Variants in RAB3GAP2 observed in about 807,000 individuals in gnomAD.
RAB3GAP2 encodes the protein RAB3 GTPase activating non-catalytic protein subunit 2, also known as rab3 GTPase-activating protein non-catalytic subunit.
A neutral mutation model predicts 185.3 loss-of-function variants in RAB3GAP2; 87 were observed. The ratio of observed to expected loss-of-function variants is 0.47; its 90% confidence interval spans 0.39 to 0.56. The LOEUF is 0.56. Among genes scored for constraint, RAB3GAP2 ranks in the 20% least tolerant of loss-of-function variants. RAB3GAP2 has a pLI of 0.00. For synonymous variants in RAB3GAP2, 554 were observed against 576.1 expected (o/e 0.96, Z 0.55); for missense variants, 1,492 against 1,638.2 (o/e 0.91, Z 1.54).
At chr1:220,223,293 C>CTTTTTT (rs1436330377) in intron 2 of RAB3GAP2, among the ~76,000 whole-genome samples, 3 of 152,144 alleles carry the variant, frequency 2.0e-5, no homozygotes, top group Non-Finnish European at 2.9e-5. Flanking sequence ...TGCTCAGAAA[C>CTTTTTT]TATCATCTAG....
At chr1:220,205,811 CT>C in intron 8 of RAB3GAP2, 95 bp downstream of exon 8, 5 of 967,512 alleles carry the variant, frequency 5.2e-6, no homozygotes, top group South Asian at 2.9e-5. Context: ...TTCAGAAGGC[CT>C]TTTTTATTTA....
At chr1:220,225,376 G>A (rs1659385504) in intron 2 of RAB3GAP2, among the ~76,000 whole-genome samples, 2 of 152,272 alleles carry the variant, frequency 1.3e-5, no homozygotes, top group South Asian at 2.1e-4. Context: ...AGGCAAAAAA[G>A]ACAGACTGGG....
rs1657700256 is a variant in RAB3GAP2 at position 220,149,443 on chromosome 1, A to ATTCTT, written c.*1803_*1807dup. 1 of 152,208 alleles carries ATTCTT rather than the reference A, an allele frequency of 6.6e-6. No homozygotes were observed. The highest frequency in any genetic ancestry group is 1.5e-5 in the Non-Finnish European group (1 of 68,024). The allele number at this position is 152,208 out of a possible 1,614,324, so 9.4% of individuals were successfully genotyped here. On this transcript the variant is annotated 3_prime_UTR_variant, in exon 35 of 35. Coordinates refer to ENST00000358951, the MANE Select transcript of RAB3GAP2 (RefSeq NM_012414.4). ...CAAGTGATGATGGAATTGAGGATTT[A>ATTCTT]TTCTTTAAAAATACCTATAACTCCA... is the stretch of plus-strand genomic sequence containing the variant.
intron 1 of RAB3GAP2, among the ~76,000 whole-genome samples, chr1:220,255,967 GAC>G (rs1660025964): frequency 6.6e-6 from 1 of 152,074 alleles, no homozygotes; most frequent in Admixed American, 6.6e-5. Flanking sequence ...TCAACCCCAA[GAC>G]ACATAATCAT....
intron 1 of RAB3GAP2, chr1:220,271,145 G>A (rs1571940471): frequency 6.6e-6 from 1 of 152,192 alleles, no homozygotes. Flanking sequence ...TCCTACAGCA[G>A]GGTCCACCAA....
At position 220,202,142 on chromosome 1, in the gene RAB3GAP2, G is replaced by T. The variant is rs746544603; in HGVS notation, c.811+134C>A. ...ATCATGCCACTGCACTCCTGCCTGG[G>T]TGACAGAGCAAAGCTCCATCTTAAA... is the stretch of plus-strand genomic sequence containing the variant. On this transcript the variant is annotated intron_variant, in intron 9 of 34. Coordinates refer to ENST00000358951, the MANE Select transcript of RAB3GAP2 (RefSeq NM_012414.4). 546 of 974,848 alleles carry T rather than the reference G, an allele frequency of 5.6e-4. 1 individual carries two copies. Among genetic ancestry groups the T allele is most frequent in the Non-Finnish European group, 6.9e-4 (489 of 711,848 alleles). The allele number at this position is 974,848 out of a possible 1,614,324, so 60.4% of individuals were successfully genotyped here. A position where few individuals can be genotyped will look rare whatever the true frequency, so the allele number is the denominator to read the frequency against.
intron 1 of RAB3GAP2, among the ~76,000 whole-genome samples, chr1:220,258,272 G>A (rs938029475): frequency 6.6e-6 from 1 of 152,056 alleles, no homozygotes; most frequent in Non-Finnish European, 1.5e-5. Context: ...ACCCGGCAGA[G>A]ATACAACAAA....
rs17007152 is a variant in RAB3GAP2 at position 220,186,005 on chromosome 1, T to C, written c.1780-264A>G. 0.056 allele frequency among the ~76,000 whole-genome samples: 8,499 copies of C among 152,182 alleles called. 357 individuals carry two copies. Among genetic ancestry groups the C allele is most frequent in the East Asian group, 0.27 (1,373 of 5,180 alleles). On this transcript the variant is annotated intron_variant, in intron 17 of 34. Transcript: ENST00000358951. ...AGAAGGCAACTGCTACTTAACAGAA[T>C]AGCCAAATCAAAACAGAAACAAAGA...
At chr1:220,214,946 T>TTATATATATATATA (rs10526805) in intron 2 of RAB3GAP2, among the ~76,000 whole-genome samples, 2,187 of 89,000 alleles carry the variant, frequency 0.025, 108 homozygotes, top group African/African-American at 0.046. Context: ...AATAGTAGCA[T>TTATATATATATATA]TATATATATA....
intron 34 of RAB3GAP2, 92 bp from the exon 35 acceptor site, chr1:220,151,498 G>GT: frequency 6.3e-7 from 1 of 1,595,860 alleles, no homozygotes; most frequent in Non-Finnish European, 8.6e-7. Context: ...GCTTTTCTTT[G>GT]TAACTAGGTG....
chr1:220,182,591 ACAG>A, intron 20 of RAB3GAP2, 124 bp downstream of exon 20: 1 of 1,184,872 alleles, frequency 8.4e-7, no homozygotes, highest in South Asian at 1.6e-5. Flanking sequence ...GCCAAAAAAT[ACAG>A]TACATTAAAT....
chr1:220,194,338 G>A (rs1452092333), intron 12 of RAB3GAP2, among the ~76,000 whole-genome samples: 1 of 150,884 alleles, frequency 6.6e-6, no homozygotes, highest in Non-Finnish European at 1.5e-5. Flanking sequence ...AAGTAAACAA[G>A]GAAGCACAGG....
At chr1:220,210,755 T>C (rs1265254569) in intron 6 of RAB3GAP2, 46 bp downstream of exon 6, 1 of 1,536,224 alleles carries the variant, frequency 6.5e-7, no homozygotes, top group Non-Finnish European at 9.0e-7. Flanking sequence ...CATAACCAGA[T>C]ATTGCAGTCA....
intron 1 of RAB3GAP2, among the ~76,000 whole-genome samples, chr1:220,247,248 A>C (rs1004997982): frequency 6.6e-6 from 1 of 152,226 alleles, no homozygotes; most frequent in East Asian, 1.9e-4. Context: ...CAGCAGTCCC[A>C]CTACTGGGTA....
At chr1:220,265,625 C>T (rs1660214590) in intron 1 of RAB3GAP2, among the ~76,000 whole-genome samples, 1 of 152,052 alleles carries the variant, frequency 6.6e-6, no homozygotes, top group Admixed American at 6.6e-5. Context: ...CCACCCATCC[C>T]TGCAACTTCA....
At chr1:220,174,203 GTACA>G (rs1353062255) in intron 21 of RAB3GAP2, among the ~76,000 whole-genome samples, 1 of 151,864 alleles carries the variant, frequency 6.6e-6, no homozygotes, top group Admixed American at 6.6e-5. Context: ...ATATATACAT[GTACA>G]TATAAATTTA....
intron 9 of RAB3GAP2, among the ~76,000 whole-genome samples, chr1:220,201,156 C>T (rs1039437940): frequency 6.6e-5 from 10 of 152,140 alleles, no homozygotes. Flanking sequence ...ACAGTAAGCT[C>T]TCTTATAGTG....
At chr1:220,159,585 C>CAATTA (rs1422303337) in intron 28 of RAB3GAP2, among the ~76,000 whole-genome samples, 164 bp from the exon 29 acceptor site, 1 of 152,138 alleles carries the variant, frequency 6.6e-6, no homozygotes, top group Non-Finnish European at 1.5e-5. Context: ...ACAGTAGATG[C>CAATTA]AATTAAATTG....
In RAB3GAP2 at chr1:220,148,920, C is replaced by A. The variant is rs911119584; in HGVS notation, c.*2331G>T. On this transcript the variant is annotated 3_prime_UTR_variant, in exon 35 of 35. Transcript: ENST00000358951. ...TTATACAATATAATTTAATAAGATA[C>A]AAATGCATATTTAATGTTTGTTAAT... 5.9e-5 allele frequency: 9 copies of A among 152,090 alleles called. No individual in the cohort carries two copies. Among genetic ancestry groups the A allele is most frequent in the Admixed American group, 1.3e-4 (2 of 15,262 alleles). 9.4% of individuals were successfully genotyped at this position (152,090 alleles called of 1,614,324 possible).
Sources: allele counts gnomAD v4.1 joint callset (sites outside exome capture counted in the v4.1 genomes callset), GRCh38; gene constraint gnomAD v4.1.1; transcripts MANE v1.5; gene names NCBI Gene and HGNC (gene_info 2026-07-23, HGNC 2026-07-21).